MACROD2: variants seen among roughly 807,000 people sequenced by gnomAD.
MACROD2 encodes the protein ADP-ribose glycohydrolase MACROD2.
MACROD2 carries 36 observed loss-of-function variants against 70.4 expected under a neutral mutation model. That is an observed-to-expected ratio of 0.51 (90% CI 0.39 to 0.68). The LOEUF is 0.68. MACROD2 is among the 30% of genes least tolerant of loss of function. The pLI, the probability that MACROD2 is intolerant of heterozygous loss-of-function variation, is 0.00. For missense variants in MACROD2, 496 were observed against 538.4 expected (o/e 0.92, Z 0.78); for synonymous variants, 172 against 178.8 (o/e 0.96, Z 0.30).
At chr20:15,583,219 A>G (rs1364139356) in intron 8 of MACROD2, among the ~76,000 whole-genome samples, 6 of 152,118 alleles carry the variant, frequency 3.9e-5, no homozygotes, top group African/African-American at 1.4e-4. Flanking sequence ...CTCTGGAACT[A>G]GTTCTGTGGT....
intron 8 of MACROD2, among the ~76,000 whole-genome samples, chr20:15,744,178 A>G (rs1255869537): frequency 1.3e-5 from 2 of 152,220 alleles, no homozygotes; most frequent in Non-Finnish European, 2.9e-5. Flanking sequence ...GGCTATTTTA[A>G]TTGATTCATA....
chr20:14,013,669 T>C (rs1043560262), intron 2 of MACROD2, among the ~76,000 whole-genome samples: 3 of 146,528 alleles, frequency 2.0e-5, no homozygotes, highest in South Asian at 4.3e-4. Context: ...TGTCCTTATA[T>C]TAAGCTTTTT....
intron 5 of MACROD2, among the ~76,000 whole-genome samples, chr20:15,075,332 G>C (rs2075649760): frequency 6.6e-6 from 1 of 152,166 alleles, no homozygotes. Context: ...TATTTTATTA[G>C]TTCTCTGCTT....
chr20:14,386,897 G>A (rs2083473660), intron 3 of MACROD2, among the ~76,000 whole-genome samples: 1 of 152,192 alleles, frequency 6.6e-6, no homozygotes, highest in Admixed American at 6.5e-5. Flanking sequence ...ACTGCATAAG[G>A]CTATGGCCTT....
intron 3 of MACROD2, among the ~76,000 whole-genome samples, chr20:14,088,488 AC>A (rs2054109816): frequency 5.0e-4 from 1 of 1,994 alleles, no homozygotes; most frequent in South Asian, 0.5. Context: ...ATATAAATAC[AC>A]TTATCAGCCT....
At chr20:14,481,996 A>T (rs2084669007) in intron 3 of MACROD2, among the ~76,000 whole-genome samples, 1 of 152,208 alleles carries the variant, frequency 6.6e-6, no homozygotes, top group African/African-American at 2.4e-5. Flanking sequence ...TAAAGTATGT[A>T]TCAGCTGGTC....
chr20:15,639,398 C>T (rs2049419428), intron 8 of MACROD2, among the ~76,000 whole-genome samples: 1 of 152,152 alleles, frequency 6.6e-6, no homozygotes, highest in South Asian at 2.1e-4. Context: ...ATATATCAGT[C>T]TTTTCTCTGA....
At chr20:14,947,158 A>G (rs1046951133) in intron 5 of MACROD2, among the ~76,000 whole-genome samples, 1 of 152,210 alleles carries the variant, frequency 6.6e-6, no homozygotes, top group African/African-American at 2.4e-5. Flanking sequence ...GACAGCTCAC[A>G]GATTCGCCGA....
intron 13 of MACROD2, among the ~76,000 whole-genome samples, chr20:15,984,631 T>A (rs80287391): frequency 6.8e-6 from 1 of 147,902 alleles, no homozygotes; most frequent in African/African-American, 2.5e-5. Context: ...AAATTTTGCC[T>A]CCCCCCCCCG....
At chr20:15,715,904 C>A (rs2050701144) in intron 8 of MACROD2, among the ~76,000 whole-genome samples, 1 of 152,108 alleles carries the variant, frequency 6.6e-6, no homozygotes, top group African/African-American at 2.4e-5. Flanking sequence ...ACTTGCTCTG[C>A]CTCCTCCAAG....
At chr20:15,876,459 CT>C (rs1338205868) in intron 9 of MACROD2, among the ~76,000 whole-genome samples, 1 of 152,086 alleles carries the variant, frequency 6.6e-6, no homozygotes, top group Non-Finnish European at 1.5e-5. Context: ...TTTTTTATGG[CT>C]GCATAGTATT....
chr20:16,004,173 G>A (rs1484529276), intron 15 of MACROD2, among the ~76,000 whole-genome samples: 1 of 152,108 alleles, frequency 6.6e-6, no homozygotes, highest in East Asian at 1.9e-4. Context: ...GTAAGGATGA[G>A]GACCTCTTCC....
chr20:14,501,867 A>G (rs2084918657), intron 4 of MACROD2, among the ~76,000 whole-genome samples: 2 of 152,316 alleles, frequency 1.3e-5, no homozygotes, highest in South Asian at 4.1e-4. Context: ...AGTTCAGATA[A>G]TATCTATAAA....
chr20:14,175,203 T>A (rs2081254204), intron 3 of MACROD2, among the ~76,000 whole-genome samples: 1 of 152,192 alleles, frequency 6.6e-6, no homozygotes, highest in African/African-American at 2.4e-5. Flanking sequence ...TCCTGCCTCC[T>A]ATCTGTCATT....
chr20:14,356,743 G>A (rs1229472975), intron 3 of MACROD2, among the ~76,000 whole-genome samples: 1 of 151,976 alleles, frequency 6.6e-6, no homozygotes, highest in African/African-American at 2.4e-5. Context: ...GACTTCAGGC[G>A]ATCTGCCCAC....
chr20:14,729,415 AT>A, intron 5 of MACROD2, among the ~76,000 whole-genome samples: 1 of 152,308 alleles, frequency 6.6e-6, no homozygotes, highest in Non-Finnish European at 1.5e-5. Flanking sequence ...AAGATATATG[AT>A]TAGCTGGCTT....
intron 8 of MACROD2, among the ~76,000 whole-genome samples, chr20:15,732,763 C>CCT (rs1555872692): frequency 2.0e-5 from 3 of 147,786 alleles, no homozygotes; most frequent in African/African-American, 7.4e-5. Context: ...TAGTTTTCCT[C>CCT]TTTTTTTTTT....
chr20:15,631,604 A>T (rs1390140576), intron 8 of MACROD2, among the ~76,000 whole-genome samples: 1 of 152,278 alleles, frequency 6.6e-6, no homozygotes, highest in East Asian at 1.9e-4. Context: ...TTGAACCATT[A>T]CAGTACTTTT....
chr20:14,944,722 C>T (rs756931675), intron 5 of MACROD2, among the ~76,000 whole-genome samples: 1 of 152,154 alleles, frequency 6.6e-6, no homozygotes, highest in Non-Finnish European at 1.5e-5. Context: ...GAGAACCACT[C>T]ACTTCACTGC....
Sources: allele counts gnomAD v4.1 joint callset (sites outside exome capture counted in the v4.1 genomes callset), GRCh38; gene constraint gnomAD v4.1.1; transcripts MANE v1.5; gene names NCBI Gene and HGNC (gene_info 2026-07-23, HGNC 2026-07-21).